IQGAP2: variants seen among roughly 807,000 people sequenced by gnomAD.
IQGAP2 encodes ras GTPase-activating-like protein IQGAP2.
A neutral mutation model predicts 201.3 loss-of-function variants in IQGAP2; 173 were observed. The observed-to-expected ratio is 0.86, with a 90% confidence interval of 0.76 to 0.98. The LOEUF (loss-of-function observed/expected upper bound fraction) is 0.98, where lower values mean the gene tolerates loss of function less well. Ranked by LOEUF, IQGAP2 falls within the 50% of genes least tolerant of loss-of-function variation. The probability of loss-of-function intolerance (pLI) is 0.00; values close to 1 mark genes in which losing one functional copy is unlikely to be tolerated. For missense variants in IQGAP2, 1,687 were observed against 1,864.8 expected (o/e 0.90, Z 1.76); for synonymous variants, 675 against 673.9 (o/e 1.00, Z -0.03).
At position 76,418,923 on chromosome 5, in the gene IQGAP2, C is replaced by T. The variant is rs546099073; in HGVS notation, c.46+15332C>T. Among the ~76,000 whole-genome samples, 17 of 152,246 alleles carry T rather than the reference C, an allele frequency of 1.1e-4. 1 individual carries two copies. The South Asian group carries it at 2.3e-3, about 20-fold the overall frequency. On this transcript the variant is annotated intron_variant, in intron 1 of 35. Transcript: ENST00000274364. ...GGGCCAGCCTCCTAGGTTGATTACA[C>T]GTCCTTGACTATTATCCACGCCCTT...
chr5:76,662,054 C>G (rs1341589774), intron 21 of IQGAP2, among the ~76,000 whole-genome samples: 1 of 152,184 alleles, frequency 6.6e-6, no homozygotes, highest in African/African-American at 2.4e-5. Flanking sequence ...TAAAAAGTAT[C>G]TGCCCCTGTT....
intron 1 of IQGAP2, among the ~76,000 whole-genome samples, chr5:76,442,814 C>T (rs745582992): frequency 3.1e-4 from 47 of 152,054 alleles, no homozygotes; most frequent in Non-Finnish European, 5.4e-4. Context: ...GGTGAAACCC[C>T]GTCTCTACTA....
chr5:76,702,652 C>T, intron 35 of IQGAP2, 62 bp downstream of exon 35: 1 of 751,770 alleles, frequency 1.3e-6, no homozygotes. Flanking sequence ...TACATTGCTA[C>T]CCTGGCTCTC....
chr5:76,456,370 T>C (rs570643553), intron 1 of IQGAP2, among the ~76,000 whole-genome samples: 44 of 152,316 alleles, frequency 2.9e-4, no homozygotes, highest in African/African-American at 1.0e-3. Flanking sequence ...TTAAGGAAGT[T>C]TGATTATGTA....
At chr5:76,590,341 C>T in intron 7 of IQGAP2, 67 bp from the exon 8 acceptor site, 1 of 1,231,190 alleles carries the variant, frequency 8.1e-7, no homozygotes, top group South Asian at 1.5e-5. Flanking sequence ...TACACAGGGT[C>T]AATGCAACTG....
chr5:76,536,755 C>T (rs748960820), intron 2 of IQGAP2, among the ~76,000 whole-genome samples: 13 of 148,870 alleles, frequency 8.7e-5, no homozygotes, highest in South Asian at 2.1e-4. Flanking sequence ...AGTGAAACTC[C>T]GTCTCCAAAA....
At chr5:76,560,318 CTT>C (rs34182814) in intron 2 of IQGAP2, among the ~76,000 whole-genome samples, 19,962 of 133,120 alleles carry the variant, frequency 0.15, 1,733 homozygotes, top group Admixed American at 0.26. Context: ...ATGCCTGGCT[CTT>C]TTTTTTTTTT....
In IQGAP2 at chr5:76,697,980, G is replaced by A. The variant is rs746595404; in HGVS notation, c.4207-7G>A. ...TTAAATATGATACCCCTTACTTGTT[G>A]TTTTAGGATATTCGAAATCAAAGAA... is the stretch of plus-strand genomic sequence containing the variant. On this transcript the variant is annotated splice_polypyrimidine_tract_variant and splice_region_variant and intron_variant, in intron 32 of 35. Transcript: ENST00000274364. 40 of 1,607,658 alleles carry A rather than the reference G, an allele frequency of 2.5e-5. No individual in the cohort carries two copies. Among genetic ancestry groups the A allele is most frequent in the Middle Eastern group, 1.7e-4 (1 of 6,028 alleles).
At chr5:76,549,243 G>C (rs1181612737) in intron 2 of IQGAP2, among the ~76,000 whole-genome samples, 1 of 151,996 alleles carries the variant, frequency 6.6e-6, no homozygotes, top group African/African-American at 2.4e-5. Context: ...AACAGACTCA[G>C]ATTAATTCAG....
chr5:76,482,970 T>C (rs1755878407), intron 2 of IQGAP2, among the ~76,000 whole-genome samples: 1 of 152,208 alleles, frequency 6.6e-6, no homozygotes, highest in Admixed American at 6.5e-5. Flanking sequence ...CCCAGCATTA[T>C]GATGTGAAAA....
chr5:76,452,619 A>C (rs1396605849), intron 1 of IQGAP2, among the ~76,000 whole-genome samples: 1 of 152,156 alleles, frequency 6.6e-6, no homozygotes, highest in Non-Finnish European at 1.5e-5. Flanking sequence ...AATTCACACA[A>C]ATCTATCTGC....
At chr5:76,645,499 T>TCTCCAG (rs2150412343) in intron 17 of IQGAP2, among the ~76,000 whole-genome samples, 1 of 152,344 alleles carries the variant, frequency 6.6e-6, no homozygotes, top group African/African-American at 2.4e-5. Context: ...CTCCACATCC[T>TCTCCAG]CTCCAGCATC....
chr5:76,666,121 T>C (rs1743736183), intron 22 of IQGAP2, among the ~76,000 whole-genome samples: 1 of 152,222 alleles, frequency 6.6e-6, no homozygotes, highest in Non-Finnish European at 1.5e-5. Context: ...GATGTTAATT[T>C]TGGTAGGTTT....
At chr5:76,420,590 T>A (rs961806017) in intron 1 of IQGAP2, among the ~76,000 whole-genome samples, 2 of 152,202 alleles carry the variant, frequency 1.3e-5, no homozygotes, top group African/African-American at 4.8e-5. Flanking sequence ...TTGGCCAGGC[T>A]GGTCTCGAAC....
intron 13 of IQGAP2, among the ~76,000 whole-genome samples, chr5:76,620,868 T>A (rs1749590296): frequency 6.6e-6 from 1 of 152,222 alleles, no homozygotes; most frequent in Non-Finnish European, 1.5e-5. Context: ...CAATATTTGG[T>A]GTTACTTGGC....
intron 30 of IQGAP2, among the ~76,000 whole-genome samples, chr5:76,685,100 C>G (rs1009232548): frequency 6.6e-6 from 1 of 152,144 alleles, no homozygotes; most frequent in Non-Finnish European, 1.5e-5. Context: ...AGTAGGACCG[C>G]AACCAAGTTG....
chr5:76,625,849 A>G (rs1260900492), intron 13 of IQGAP2, among the ~76,000 whole-genome samples: 1 of 152,224 alleles, frequency 6.6e-6, no homozygotes, highest in East Asian at 1.9e-4. Flanking sequence ...GATTTAGAAC[A>G]CGACACTTAT....
At chr5:76,631,764 C>T in intron 14 of IQGAP2, 95 bp from the exon 15 acceptor site, 1 of 886,850 alleles carries the variant, frequency 1.1e-6, no homozygotes, top group East Asian at 2.7e-5. Context: ...ATGTTTGATA[C>T]TAATGCATTC....
At chr5:76,526,550 T>C (rs549617361) in intron 2 of IQGAP2, among the ~76,000 whole-genome samples, 2 of 152,344 alleles carry the variant, frequency 1.3e-5, no homozygotes, top group Admixed American at 1.3e-4. Flanking sequence ...AAGCCTTTAG[T>C]TGCAAAGAAA....
Sources: allele counts gnomAD v4.1 joint callset (sites outside exome capture counted in the v4.1 genomes callset), GRCh38; gene constraint gnomAD v4.1.1; transcripts MANE v1.5; gene names NCBI Gene and HGNC (gene_info 2026-07-23, HGNC 2026-07-21).